KPNA4: variants seen among roughly 807,000 people sequenced by gnomAD.
KPNA4 encodes the protein karyopherin subunit alpha 4.
A neutral mutation model predicts 71.3 loss-of-function variants in KPNA4; 13 were observed. The ratio of observed to expected loss-of-function variants is 0.18; its 90% CI spans 0.12 to 0.29. KPNA4 has a LOEUF of 0.29. Ranked by LOEUF, KPNA4 falls within the 10% of genes least tolerant of loss-of-function variation. The probability of loss-of-function intolerance (pLI) is 1.00; values close to 1 mark genes in which losing one functional copy is unlikely to be tolerated. For missense variants in KPNA4, 334 were observed against 603.2 expected, an observed-to-expected ratio of 0.55 and a Z score of 4.67; for synonymous variants, 189 against 195.2, an observed-to-expected ratio of 0.97 and a Z score of 0.26.
chr3:160,551,260 T>C (rs1722035420), intron 1 of KPNA4, among the ~76,000 whole-genome samples: 1 of 152,200 alleles, frequency 6.6e-6, no homozygotes, highest in South Asian at 2.1e-4. Flanking sequence ...GTTGTTGGCA[T>C]ACAAGCCACA....
intron 1 of KPNA4, among the ~76,000 whole-genome samples, chr3:160,549,887 T>C (rs752542726): frequency 8.5e-5 from 13 of 152,262 alleles, no homozygotes; most frequent in South Asian, 2.1e-4. Flanking sequence ...TCCATGAACA[T>C]TGGATTGTTT....
intron 16 of KPNA4, among the ~76,000 whole-genome samples, chr3:160,504,011 G>T (rs2108542202): frequency 6.6e-6 from 1 of 152,254 alleles, no homozygotes; most frequent in Middle Eastern, 3.4e-3. Flanking sequence ...CTGAGCCAGG[G>T]AGGGGGAGGT....
chr3:160,537,218 A>G (rs1553787121), intron 1 of KPNA4, among the ~76,000 whole-genome samples: 1 of 151,392 alleles, frequency 6.6e-6, no homozygotes, highest in Non-Finnish European at 1.5e-5. Flanking sequence ...AAATTCAACT[A>G]TTTAAAAAAA....
intron 1 of KPNA4, among the ~76,000 whole-genome samples, chr3:160,550,199 T>C (rs1251944094): frequency 6.6e-6 from 1 of 152,226 alleles, no homozygotes; most frequent in Non-Finnish European, 1.5e-5. Context: ...CTTTCATTTC[T>C]TTTTCTTGCC....
chr3:160,521,065 A>G (rs1426442210), intron 11 of KPNA4, among the ~76,000 whole-genome samples: 1 of 152,214 alleles, frequency 6.6e-6, no homozygotes, highest in African/African-American at 2.4e-5. Context: ...AACAATTTAG[A>G]AAGTCCCTAA....
intron 10 of KPNA4, among the ~76,000 whole-genome samples, chr3:160,524,753 C>T (rs1182925844): frequency 3.9e-5 from 6 of 152,290 alleles, no homozygotes; most frequent in East Asian, 1.9e-4. Flanking sequence ...AGATCCTAAA[C>T]TATCTGGGGC....
chr3:160,527,940 G>A lies in KPNA4; in HGVS notation c.556+13C>T, dbSNP rs770720901. The A allele has an allele frequency of 6.3e-7, 1 of 1,595,388 alleles. No individual in the cohort carries two copies. The highest frequency in any genetic ancestry group is 1.3e-5 in the African/African-American group (1 of 74,564). On this transcript the variant is annotated intron_variant, in intron 8 of 16. Coordinates refer to ENST00000334256, the MANE Select transcript of KPNA4 (RefSeq NM_002268.5). ...AACAATTTTTAGACTAGTATTACAA[G>A]TTTTATACAAACCTATGATATTTCC...
chr3:160,555,856 A>C (rs1209730978), intron 1 of KPNA4, among the ~76,000 whole-genome samples: 1 of 151,426 alleles, frequency 6.6e-6, no homozygotes, highest in Non-Finnish European at 1.5e-5. Context: ...TTTGAGAAGG[A>C]GTTTTGCTTT....
chr3:160,512,473 A>G (rs1469128700), intron 13 of KPNA4, among the ~76,000 whole-genome samples: 1 of 152,254 alleles, frequency 6.6e-6, no homozygotes, highest in Admixed American at 6.5e-5. Flanking sequence ...GGAACGAGTC[A>G]TTCTAAAAAA....
At chr3:160,560,007 G>A (rs116550228) in intron 1 of KPNA4, among the ~76,000 whole-genome samples, 1 of 152,066 alleles carries the variant, frequency 6.6e-6, no homozygotes, top group East Asian at 1.9e-4. Context: ...AACAAACTGT[G>A]TTTTCTAGTG....
Position 160,525,925 on chromosome 3 carries a change from TA to T in KPNA4, c.726+12del. 6.5e-7 allele frequency: 1 copy of T among 1,544,066 alleles called. No individual in the cohort carries two copies. Among genetic ancestry groups the T allele is most frequent in the South Asian group, 1.3e-5 (1 of 75,758 alleles). On this transcript the variant is annotated intron_variant, in intron 9 of 16. Transcript: ENST00000334256. The stretch of plus-strand genomic sequence containing the variant: ...AATGGTATCTCTTTTAATTTTTTTT[TA>T]AAAGTGTTTACCTCCTGAATGGTTT...
intron 14 of KPNA4, among the ~76,000 whole-genome samples, chr3:160,508,827 T>C (rs989935754): frequency 6.6e-6 from 1 of 152,274 alleles, no homozygotes; most frequent in East Asian, 1.9e-4. Flanking sequence ...GCCTGGATAC[T>C]AGTTTCAAAA....
intron 1 of KPNA4, among the ~76,000 whole-genome samples, chr3:160,538,766 CTA>C (rs1421044767): frequency 6.6e-6 from 1 of 152,086 alleles, no homozygotes; most frequent in Non-Finnish European, 1.5e-5. Flanking sequence ...ACCAACTCTG[CTA>C]TTTCTCGAAC....
Position 160,500,731 on chromosome 3 carries a change from T to C in KPNA4, c.*1373A>G, listed in dbSNP as rs1720861300. ...AAAGATTCTAAAACAATTGAACAGA[T>C]TAGGCATATTATTAAAGGTGTTCAA... On this transcript the variant is annotated 3_prime_UTR_variant, in exon 17 of 17. Transcript: ENST00000334256. 6.6e-6 allele frequency: 1 copy of C among 152,594 alleles called. No homozygotes were observed. Among genetic ancestry groups the C allele is most frequent in the African/African-American group, 2.4e-5 (1 of 41,446 alleles). The allele number at this position is 152,594 out of a possible 1,614,324, so 9.5% of individuals were successfully genotyped here. A position where few individuals can be genotyped will look rare whatever the true frequency, so the allele number is the denominator to read the frequency against.
intron 1 of KPNA4, among the ~76,000 whole-genome samples, chr3:160,549,909 TTC>T (rs1722004030): frequency 6.6e-6 from 1 of 152,248 alleles, no homozygotes; most frequent in South Asian, 2.1e-4. Context: ...CCATTTGTGT[TTC>T]TTTCTTTCAG....
At position 160,495,304 on chromosome 3, in the gene KPNA4, C is replaced by T. The variant is rs1033140662; in HGVS notation, c.*6800G>A. 4 of 152,274 alleles carry T rather than the reference C, an allele frequency of 2.6e-5. No homozygotes were observed. The highest frequency in any genetic ancestry group is 1.9e-4 in the East Asian group (1 of 5,184). The allele number at this position is 152,274 out of a possible 1,614,324, so 9.4% of individuals were successfully genotyped here. A position where few individuals can be genotyped will look rare whatever the true frequency, so the allele number is the denominator to read the frequency against. ...AGTAAATATCTAGAATATTCAAGGA[C>T]GTAAAGTGCGGTTGAGAAAGCCAGG... On this transcript the variant is annotated 3_prime_UTR_variant, in exon 17 of 17. Transcript: ENST00000334256.
At chr3:160,509,291 T>C (rs1721046481) in intron 14 of KPNA4, among the ~76,000 whole-genome samples, 1 of 152,218 alleles carries the variant, frequency 6.6e-6, no homozygotes, top group Non-Finnish European at 1.5e-5. Context: ...AATTTGTTAT[T>C]GTTGCTGTCT....
chr3:160,564,010 C>G (rs1317372641), intron 1 of KPNA4, among the ~76,000 whole-genome samples: 1 of 152,022 alleles, frequency 6.6e-6, no homozygotes, highest in Non-Finnish European at 1.5e-5. Flanking sequence ...TTCAGAAATG[C>G]CATGGGAAGT....
intron 1 of KPNA4, among the ~76,000 whole-genome samples, chr3:160,542,851 T>C (rs148035262): frequency 2.6e-5 from 4 of 152,328 alleles, no homozygotes; most frequent in East Asian, 1.9e-4. Flanking sequence ...TTCTAGTCTA[T>C]AGATTCCATA....
Sources: gnomAD v4.1 joint callset for allele counts (sites outside exome capture counted in the v4.1 genomes callset) on GRCh38, gnomAD v4.1.1 for gene constraint, MANE v1.5 for transcripts, NCBI Gene and HGNC (gene_info 2026-07-23, HGNC 2026-07-21) for gene names.